The following ADGRL3 variants were observed in gnomAD, a reference collection of about 807,000 sequenced individuals.
The protein encoded by ADGRL3 is calcium-independent alpha-latrotoxin receptor 3.
In ADGRL3, 62 loss-of-function variants were observed where a neutral mutation model predicts 153.5. The ratio of observed to expected loss-of-function variants is 0.40; its 90% confidence interval spans 0.33 to 0.50. The LOEUF (loss-of-function observed/expected upper bound fraction) is 0.50, where lower values mean the gene tolerates loss of function less well. ADGRL3 is among the 20% of genes least tolerant of loss of function. The pLI, the probability that ADGRL3 is intolerant of heterozygous loss-of-function variation, is 0.47. For missense variants in ADGRL3, 1,641 were observed against 1,859.4 expected (o/e 0.88, Z 2.16); for synonymous variants, 710 against 672.5 (o/e 1.06, Z -0.86).
chr4:61,649,279 T>G (rs2094158906), intron 5 of ADGRL3, among the ~76,000 whole-genome samples: 1 of 152,124 alleles, frequency 6.6e-6, no homozygotes, highest in Admixed American at 6.5e-5. Flanking sequence ...TAACCAGATA[T>G]GTATGCCTCT....
chr4:61,798,998 A>AGTAT (rs2097450600), intron 8 of ADGRL3, among the ~76,000 whole-genome samples: 4 of 66,224 alleles, frequency 6.0e-5, no homozygotes, highest in Admixed American at 1.8e-4. Flanking sequence ...ATATATAAAC[A>AGTAT]GTATATATAT....
At chr4:61,993,735 C>T (rs76146646) in intron 19 of ADGRL3, among the ~76,000 whole-genome samples, 93 of 152,118 alleles carry the variant, frequency 6.1e-4, no homozygotes, top group African/African-American at 2.1e-3. Context: ...CACTCTCTCT[C>T]ATACACACAT....
chr4:61,774,876 C>T (rs2097129685), intron 8 of ADGRL3, among the ~76,000 whole-genome samples: 1 of 152,024 alleles, frequency 6.6e-6, no homozygotes, highest in South Asian at 2.1e-4. Context: ...CACTGGGGGG[C>T]CTTGGGACAC....
At chr4:61,675,790 A>T (rs1195721495) in intron 5 of ADGRL3, among the ~76,000 whole-genome samples, 2 of 151,962 alleles carry the variant, frequency 1.3e-5, no homozygotes, top group African/African-American at 4.8e-5. Flanking sequence ...TCAAGCATTT[A>T]TCCTTTGTGC....
intron 2 of ADGRL3, among the ~76,000 whole-genome samples, chr4:61,493,049 A>G (rs909444478): frequency 2.0e-5 from 3 of 152,310 alleles, no homozygotes; most frequent in African/African-American, 4.8e-5. Flanking sequence ...CAACACTTCA[A>G]TGGAAAAATC....
At chr4:62,019,685 TCTG>T (rs1365435159) in intron 21 of ADGRL3, among the ~76,000 whole-genome samples, 1 of 152,138 alleles carries the variant, frequency 6.6e-6, no homozygotes, top group Non-Finnish European at 1.5e-5. Flanking sequence ...ATTAATCAGG[TCTG>T]CTCACTGACA....
At chr4:61,756,091 T>G (rs2096826453) in intron 8 of ADGRL3, among the ~76,000 whole-genome samples, 1 of 152,224 alleles carries the variant, frequency 6.6e-6, no homozygotes, top group African/African-American at 2.4e-5. Context: ...TAGGATTGAC[T>G]TGGCAATGCG....
intron 21 of ADGRL3, among the ~76,000 whole-genome samples, chr4:62,022,635 G>A (rs552599435): frequency 1.1e-4 from 17 of 152,152 alleles, no homozygotes; most frequent in African/African-American, 3.6e-4. Flanking sequence ...GTAAGTTGAA[G>A]CCAGTGCTTA....
intron 5 of ADGRL3, among the ~76,000 whole-genome samples, chr4:61,643,365 C>A (rs1026288302): frequency 2.6e-5 from 4 of 151,750 alleles, no homozygotes; most frequent in African/African-American, 9.7e-5. Context: ...CTGTCTTGTG[C>A]CAGTTTTCAA....
At chr4:61,552,229 G>A (rs1045765804) in intron 4 of ADGRL3, among the ~76,000 whole-genome samples, 5 of 151,984 alleles carry the variant, frequency 3.3e-5, no homozygotes, top group Admixed American at 3.3e-4. Flanking sequence ...ATAACATCAG[G>A]CACTGTCTCA....
In ADGRL3 at chr4:61,401,832, T is replaced by G. The variant is rs183491383; in HGVS notation, c.-174+18643T>G. 1.8e-3 allele frequency among the ~76,000 whole-genome samples: 274 copies of G among 152,180 alleles called. 2 individuals are homozygous for G. Among genetic ancestry groups the G allele is most frequent in the African/African-American group, 6.4e-3 (265 of 41,556 alleles). Reference sequence around the variant, plus strand: ...ATAGGTATATTTCTCTTAGGCATATTTGAATGCCAGTGTTTCAGCTTTGAA... The same window carrying G: ...ATAGGTATATTTCTCTTAGGCATATGTGAATGCCAGTGTTTCAGCTTTGAA... On this transcript the variant is annotated intron_variant, in intron 2 of 26. Transcript: ENST00000683033.
intron 8 of ADGRL3, among the ~76,000 whole-genome samples, chr4:61,802,311 A>C (rs1190023566): frequency 6.6e-6 from 1 of 152,148 alleles, no homozygotes; most frequent in Non-Finnish European, 1.5e-5. Context: ...CCAAAACTAA[A>C]ATAAGGAATT....
chr4:61,514,668 T>A (rs1489608152), intron 3 of ADGRL3, among the ~76,000 whole-genome samples: 2 of 152,136 alleles, frequency 1.3e-5, no homozygotes, highest in African/African-American at 2.4e-5. Context: ...ACACATAAGA[T>A]ACTTTGGTTT....
intron 16 of ADGRL3, among the ~76,000 whole-genome samples, chr4:61,947,675 A>G (rs920664860): frequency 6.6e-6 from 1 of 152,158 alleles, no homozygotes; most frequent in African/African-American, 2.4e-5. Flanking sequence ...ATGGTTCTAT[A>G]TTTGATATTT....
intron 7 of ADGRL3, among the ~76,000 whole-genome samples, chr4:61,731,189 C>T (rs1184245141): frequency 2.0e-5 from 3 of 151,874 alleles, no homozygotes; most frequent in African/African-American, 7.2e-5. Flanking sequence ...GGCCCTCTAT[C>T]CTTTCTATGG....
At chr4:61,257,421 C>G (rs2092072041) in intron 1 of ADGRL3, among the ~76,000 whole-genome samples, 1 of 152,024 alleles carries the variant, frequency 6.6e-6, no homozygotes, top group East Asian at 1.9e-4. Context: ...CTAATTAGTT[C>G]TGTTGATTAT....
intron 1 of ADGRL3, among the ~76,000 whole-genome samples, chr4:61,261,469 T>C (rs1286168686): frequency 6.6e-6 from 1 of 152,122 alleles, no homozygotes; most frequent in South Asian, 2.1e-4. Context: ...CTTTTTGGAA[T>C]TTTTTCTGAA....
intron 2 of ADGRL3, among the ~76,000 whole-genome samples, chr4:61,456,360 G>GATATAGATATATCTATATATATATAT (rs2097736512): frequency 8.0e-6 from 1 of 125,386 alleles, no homozygotes; most frequent in South Asian, 2.5e-4. Flanking sequence ...GATATATATA[G>GATATAGATATATCTATATATATATAT]AGATATAGAT....
intron 1 of ADGRL3, among the ~76,000 whole-genome samples, chr4:61,225,765 A>G (rs1198449960): frequency 6.6e-6 from 1 of 152,168 alleles, no homozygotes; most frequent in East Asian, 1.9e-4. Flanking sequence ...AAGGAGCCCA[A>G]GTCCTTTCTC....
Sources: gnomAD v4.1 joint callset for allele counts (sites outside exome capture counted in the v4.1 genomes callset) on GRCh38, gnomAD v4.1.1 for gene constraint, MANE v1.5 for transcripts, NCBI Gene and HGNC (gene_info 2026-07-23, HGNC 2026-07-21) for gene names.